The following SLC24A3 variants were observed in gnomAD, a reference collection of about 807,000 sequenced individuals.
SLC24A3 encodes solute carrier family 24 member 3.
A neutral mutation model predicts 75.8 loss-of-function variants in SLC24A3; 28 were observed. That is an observed-to-expected ratio of 0.37 (90% CI 0.27 to 0.51). SLC24A3 has a LOEUF of 0.51. Among genes scored for constraint, SLC24A3 ranks in the 20% least tolerant of loss-of-function variants. The pLI is 0.94. For missense variants in SLC24A3, 663 were observed against 847.8 expected (o/e 0.78, Z 2.71); for synonymous variants, 372 against 334.1 (o/e 1.11, Z -1.24).
intron 2 of SLC24A3, among the ~76,000 whole-genome samples, chr20:19,362,777 A>T (rs1985814328): frequency 6.6e-6 from 1 of 152,172 alleles, no homozygotes; most frequent in Non-Finnish European, 1.5e-5. Flanking sequence ...TGGGACAGTC[A>T]CACAAACAGA....
At chr20:19,343,250 A>G (rs906612294) in intron 2 of SLC24A3, among the ~76,000 whole-genome samples, 2 of 152,046 alleles carry the variant, frequency 1.3e-5, no homozygotes, top group African/African-American at 2.4e-5. Context: ...GCAATGTACC[A>G]CTGAGACTGA....
At chr20:19,479,357 G>A (rs191928109) in intron 2 of SLC24A3, among the ~76,000 whole-genome samples, 96 of 152,318 alleles carry the variant, frequency 6.3e-4, no homozygotes, top group African/African-American at 2.2e-3. Flanking sequence ...CTGTATTTAC[G>A]AGTGAAACTT....
At chr20:19,338,165 A>C (rs1985181197) in intron 2 of SLC24A3, among the ~76,000 whole-genome samples, 1 of 152,212 alleles carries the variant, frequency 6.6e-6, no homozygotes, top group South Asian at 2.1e-4. Flanking sequence ...GAAGCTATTA[A>C]ATAAAGCTTT....
At chr20:19,548,844 T>C (rs2030646591) in intron 3 of SLC24A3, among the ~76,000 whole-genome samples, 1 of 152,222 alleles carries the variant, frequency 6.6e-6, no homozygotes, top group Admixed American at 6.5e-5. Context: ...AGAGGTTATC[T>C]TAAGAGTTCT....
intron 2 of SLC24A3, among the ~76,000 whole-genome samples, chr20:19,476,880 T>C (rs1275654691): frequency 6.6e-6 from 1 of 152,134 alleles, no homozygotes; most frequent in Non-Finnish European, 1.5e-5. Context: ...CTCCCTCTGA[T>C]TCTTTTGCCC....
At chr20:19,448,617 T>G (rs1987428430) in intron 2 of SLC24A3, among the ~76,000 whole-genome samples, 1 of 152,194 alleles carries the variant, frequency 6.6e-6, no homozygotes, top group Non-Finnish European at 1.5e-5. Flanking sequence ...CCATGGTGAA[T>G]AGGATGAGGC....
chr20:19,306,871 AAAACAAACAAAC>A (rs58438454), intron 2 of SLC24A3, among the ~76,000 whole-genome samples: 1 of 151,770 alleles, frequency 6.6e-6, no homozygotes. Context: ...TTAAAAAACA[AAAACAAACAAAC>A]AAACAAACAA....
intron 2 of SLC24A3, among the ~76,000 whole-genome samples, chr20:19,406,015 T>C (rs749467265): frequency 5.3e-5 from 8 of 152,224 alleles, no homozygotes; most frequent in Non-Finnish European, 1.2e-4. Context: ...TGATTTTGAA[T>C]TGCTTCATGG....
chr20:19,525,415 G>A (rs537132494), intron 3 of SLC24A3, among the ~76,000 whole-genome samples: 6 of 152,290 alleles, frequency 3.9e-5, no homozygotes, highest in African/African-American at 1.2e-4. Context: ...TGGGGAGTGA[G>A]GTAGAGAAGG....
chr20:19,676,830 G>A (rs552525838), intron 9 of SLC24A3, among the ~76,000 whole-genome samples: 2 of 152,300 alleles, frequency 1.3e-5, no homozygotes, highest in East Asian at 3.9e-4. Flanking sequence ...TCCCCAGATG[G>A]GGTATGTGTG....
chr20:19,415,790 G>A (rs964912941), intron 2 of SLC24A3, among the ~76,000 whole-genome samples: 1 of 152,104 alleles, frequency 6.6e-6, no homozygotes, highest in Non-Finnish European at 1.5e-5. Context: ...ATTCCAGGAG[G>A]GGAAAGCTAA....
At chr20:19,547,014 G>T (rs1015187644) in intron 3 of SLC24A3, among the ~76,000 whole-genome samples, 7 of 152,222 alleles carry the variant, frequency 4.6e-5, no homozygotes, top group Non-Finnish European at 1.0e-4. Context: ...CTCTCTGAAG[G>T]TGTTTATGAC....
chr20:19,241,974 C>G (rs570603230), intron 1 of SLC24A3, among the ~76,000 whole-genome samples: 1 of 152,290 alleles, frequency 6.6e-6, no homozygotes, highest in East Asian at 1.9e-4. Flanking sequence ...CTGAATGCCT[C>G]CCTTTGATTT....
chr20:19,254,981 A>G (rs1343662954), intron 1 of SLC24A3, among the ~76,000 whole-genome samples: 1 of 152,262 alleles, frequency 6.6e-6, no homozygotes, highest in Non-Finnish European at 1.5e-5. Flanking sequence ...TGTTAGGACT[A>G]AAGCTGCTTC....
intron 2 of SLC24A3, among the ~76,000 whole-genome samples, chr20:19,402,741 T>C (rs1986574699): frequency 2.6e-5 from 4 of 152,302 alleles, no homozygotes; most frequent in Middle Eastern, 3.4e-3. Flanking sequence ...CAAGTTCTAG[T>C]TATACATTAG....
intron 2 of SLC24A3, among the ~76,000 whole-genome samples, chr20:19,359,485 C>T (rs1453584381): frequency 1.3e-5 from 2 of 152,078 alleles, no homozygotes; most frequent in Non-Finnish European, 2.9e-5. Context: ...GAGAAGCAGC[C>T]CTTCCAGGTC....
chr20:19,680,625 T>C (rs1337292735), intron 9 of SLC24A3, among the ~76,000 whole-genome samples: 1 of 152,240 alleles, frequency 6.6e-6, no homozygotes, highest in Non-Finnish European at 1.5e-5. Flanking sequence ...TCACTTTGAC[T>C]AGTTTTCTGT....
chr20:19,592,878 C>T (rs1395668764), intron 6 of SLC24A3, among the ~76,000 whole-genome samples: 1 of 149,590 alleles, frequency 6.7e-6, no homozygotes, highest in Non-Finnish European at 1.5e-5. Context: ...TCACTACAAC[C>T]TCCACCTCCC....
intron 1 of SLC24A3, among the ~76,000 whole-genome samples, chr20:19,239,996 C>A (rs1395832425): frequency 6.6e-6 from 1 of 152,200 alleles, no homozygotes; most frequent in East Asian, 1.9e-4. Flanking sequence ...GCTGCCCAAC[C>A]CCAAGGGCCT....
Sources: allele counts gnomAD v4.1 joint callset (sites outside exome capture counted in the v4.1 genomes callset), GRCh38; gene constraint gnomAD v4.1.1; transcripts MANE v1.5; gene names NCBI Gene and HGNC (gene_info 2026-07-23, HGNC 2026-07-21).